Variants in SLC29A4 observed in about 807,000 individuals in gnomAD.
SLC29A4 encodes the protein equilibrative nucleoside transporter 4.
A neutral mutation model predicts 43.9 loss-of-function variants in SLC29A4; 36 were observed. The observed-to-expected ratio is 0.82, with a 90% CI of 0.63 to 1.08. The LOEUF is 1.08. Among genes scored for constraint, SLC29A4 ranks in the 50% least tolerant of loss-of-function variants. The pLI is 0.00. For synonymous variants in SLC29A4, 491 were observed against 338.0 expected (o/e 1.45, Z -4.97); for missense variants, 869 against 755.3 (o/e 1.15, Z -1.77).
At chr7:5,285,760 C>G (rs10807940) in intron 1 of SLC29A4, among the ~76,000 whole-genome samples, 2 of 151,898 alleles carry the variant, frequency 1.3e-5, no homozygotes, top group African/African-American at 4.8e-5. Context: ...GCCTATAATC[C>G]CAGCACTTTG....
In SLC29A4 at chr7:5,300,570, C is replaced by T. The variant is rs1786082455; in HGVS notation, c.1358C>T (p.Ser453Leu). 3.1e-6 allele frequency: 5 copies of T among 1,612,430 alleles called. No individual in the cohort carries two copies. The highest frequency in any genetic ancestry group is 4.5e-5 in the East Asian group (2 of 44,882). The change falls in exon 10 of 11, where the codon TCA becomes TTA. Residue 453 changes from serine (S) to leucine (L), a missense_variant. Coordinates refer to ENST00000396872, the MANE Select transcript of SLC29A4 (RefSeq NM_153247.4). The stretch of plus-strand genomic sequence containing the variant: ...CACCCCGCCTGGCCCTGCATCTTCT[C>T]ACTGCTCATGGGCATCAGCAACGGC... The part of the protein sequence containing the change: ...LRHPAWPCIF[S>L]LLMGISNGYF...
Position 5,291,972 on chromosome 7 carries a change from AC to A in SLC29A4, c.544+153del, listed in dbSNP as rs1209545515. 1.6e-5 allele frequency: 17 copies of A among 1,068,666 alleles called. No individual in the cohort carries two copies. In the East Asian group the frequency reaches 3.9e-4, roughly 25 times the overall value. 66.2% of individuals were successfully genotyped at this position (1,068,666 alleles called of 1,614,324 possible). Reference sequence around the variant, plus strand: ...TGTCCACCTGCATGCCAGCGTGCACACCGGCTCACACCCACAGGAGCCTGTG... The same window carrying A: ...TGTCCACCTGCATGCCAGCGTGCACACGGCTCACACCCACAGGAGCCTGTG... On this transcript the variant is annotated intron_variant, in intron 5 of 10. Transcript: ENST00000396872.
At chr7:5,298,432 G>A (rs924410751) in intron 7 of SLC29A4, among the ~76,000 whole-genome samples, 1 of 152,146 alleles carries the variant, frequency 6.6e-6, no homozygotes, top group African/African-American at 2.4e-5. Context: ...CAGATGCTCT[G>A]GTTGGTTTGG....
intron 1 of SLC29A4, among the ~76,000 whole-genome samples, chr7:5,283,637 G>T (rs1281199829): frequency 6.6e-6 from 1 of 152,196 alleles, no homozygotes; most frequent in African/African-American, 2.4e-5. Flanking sequence ...TGCATGCATC[G>T]GTCCCCGGGG....
chr7:5,284,188 A>T (rs1160282345), intron 1 of SLC29A4, among the ~76,000 whole-genome samples: 1 of 152,224 alleles, frequency 6.6e-6, no homozygotes, highest in African/African-American at 2.4e-5. Flanking sequence ...GTTCAAGGCC[A>T]GCTTGGGCAA....
Position 5,299,325 on chromosome 7 carries a change from C to A in SLC29A4, c.1107C>A (p.Cys369Ter), listed in dbSNP as rs758892099. ...SIAVTYFITL[C>*]LFPGLESEIR... ...CCGTGACCTACTTCATCACGCTGTGCCTGTTCCCCGGCCTCGAGTCTGAGA... is the reference window on the plus strand; with the variant it reads ...CCGTGACCTACTTCATCACGCTGTGACTGTTCCCCGGCCTCGAGTCTGAGA... Residue 369 changes from cysteine to a stop codon, truncating the protein, a stop_gained, in exon 9 of 11, where the codon TGC (cysteine) becomes TGA (stop). Coordinates refer to ENST00000396872, the MANE Select transcript of SLC29A4 (RefSeq NM_153247.4). LOFTEE classifies it high-confidence loss of function. 6.2e-7 allele frequency: 1 copy of A among 1,611,930 alleles called. No individual in the cohort carries two copies. Among genetic ancestry groups the A allele is most frequent in the Non-Finnish European group, 8.5e-7 (1 of 1,179,884 alleles).
chr7:5,303,575 C>T lies in SLC29A4; in HGVS notation c.*636C>T, dbSNP rs1786323518. The T allele has an allele frequency of 6.5e-6, 1 of 153,122 alleles. No individual in the cohort carries two copies. The highest frequency in any genetic ancestry group is 6.5e-5 in the Admixed American group (1 of 15,308). The allele number at this position is 153,122 out of a possible 1,614,324, so 9.5% of individuals were successfully genotyped here. Reference sequence around the variant, plus strand: ...TGCATCAGCCTCTGGGAAACCACAGCAGTGATGCCAGCTGGGCACGTCAGG... The same window carrying T: ...TGCATCAGCCTCTGGGAAACCACAGTAGTGATGCCAGCTGGGCACGTCAGG... On this transcript the variant is annotated 3_prime_UTR_variant, in exon 11 of 11. Coordinates refer to ENST00000396872, the MANE Select transcript of SLC29A4 (RefSeq NM_153247.4).
chr7:5,299,843 G>A (rs1786010442), intron 9 of SLC29A4, among the ~76,000 whole-genome samples: 1 of 152,218 alleles, frequency 6.6e-6, no homozygotes, highest in Non-Finnish European at 1.5e-5. Flanking sequence ...CTTGAGGCCA[G>A]GAGTTCTAGA....
chr7:5,303,195 C>G lies in SLC29A4; in HGVS notation c.*256C>G. On this transcript the variant is annotated 3_prime_UTR_variant, in exon 11 of 11. Transcript: ENST00000396872. ...TCTGCGTTTGGTCTCATACCTGCGT[C>G]TACCTTCCATCTGTGTCCAGCGGCC... is the stretch of plus-strand genomic sequence containing the variant. The G allele has an allele frequency of 5.3e-6, 3 of 567,314 alleles. No individual in the cohort carries two copies. Among genetic ancestry groups the G allele is most frequent in the Non-Finnish European group, 9.4e-6 (3 of 319,128 alleles). 35.1% of individuals were successfully genotyped at this position (567,314 alleles called of 1,614,324 possible). A position where few individuals can be genotyped will look rare whatever the true frequency, so the allele number is the denominator to read the frequency against.
chr7:5,296,745 C>T (rs1044716114), intron 6 of SLC29A4, among the ~76,000 whole-genome samples, 191 bp from the exon 7 acceptor site: 10 of 128,426 alleles, frequency 7.8e-5, no homozygotes, highest in African/African-American at 2.9e-4. Context: ...GCGGGGCCGG[C>T]GGTGATGGGC....
At chr7:5,302,737 A>AGCCGTGGCCACCAGGTGGCC (rs1786256022) in intron 10 of SLC29A4, 60 bp from the exon 11 acceptor site, 3 of 1,504,196 alleles carry the variant, frequency 2.0e-6, no homozygotes, top group African/African-American at 1.4e-5. Flanking sequence ...ACACCCGAGC[A>AGCCGTGGCCACCAGGTGGCC]GCCGTGGCCA....
chr7:5,287,527 C>T (rs557236422), intron 1 of SLC29A4, among the ~76,000 whole-genome samples: 4 of 152,256 alleles, frequency 2.6e-5, no homozygotes, highest in East Asian at 1.9e-4. Context: ...GATACAGTCC[C>T]GGCCGCATGG....
Position 5,300,424 on chromosome 7 carries a change from C to A in SLC29A4, c.1212C>A (p.Ile404=). ...CCCACTTGCCTGGCTCTCTGCAGAT[C>A]CTGGCAGCCCTGCCCGTGGACTGGC... ...VFNLSDFVGK[I]LAALPVDWRG... Residue 404 remains isoleucine, a splice_region_variant and synonymous_variant, in exon 10 of 11, where the codon ATC becomes ATA. Transcript: ENST00000396872. 6.2e-7 allele frequency: 1 copy of A among 1,611,268 alleles called. No individual in the cohort carries two copies. Among genetic ancestry groups the A allele is most frequent in the South Asian group, 1.1e-5 (1 of 90,974 alleles).
Position 5,288,133 on chromosome 7 carries a change from A to C in SLC29A4, c.169+148A>C, listed in dbSNP as rs944818045. 23 of 1,093,018 alleles carry C rather than the reference A, an allele frequency of 2.1e-5. No homozygotes were observed. In the African/African-American group the frequency reaches 2.9e-4, roughly 14 times the overall value. The allele number at this position is 1,093,018 out of a possible 1,614,324, so 67.7% of individuals were successfully genotyped here. A position where few individuals can be genotyped will look rare whatever the true frequency, so the allele number is the denominator to read the frequency against. On this transcript the variant is annotated intron_variant, in intron 2 of 10. Transcript: ENST00000396872. ...TGTCAGTGTGGATTAGATCTGCTGC[A>C]TAACAAACACGCCCACCTTCTCAGT...
intron 5 of SLC29A4, among the ~76,000 whole-genome samples, chr7:5,293,383 G>A (rs1785439770): frequency 6.6e-6 from 1 of 151,350 alleles, no homozygotes; most frequent in African/African-American, 2.4e-5. Context: ...TATTGGCCAG[G>A]CTGCTCTCGA....
intron 6 of SLC29A4, among the ~76,000 whole-genome samples, 166 bp downstream of exon 6, chr7:5,295,100 G>C (rs1302741426): frequency 6.6e-6 from 1 of 152,100 alleles, no homozygotes; most frequent in Admixed American, 6.5e-5. Flanking sequence ...GGCCTGGCTG[G>C]GGGTAGAAAA....
Position 5,303,121 on chromosome 7 carries a change from G to T in SLC29A4, c.*182G>T, listed in dbSNP as rs554010960. 46 of 725,254 alleles carry T rather than the reference G, an allele frequency of 6.3e-5. No homozygotes were observed. In the East Asian group the frequency reaches 1.2e-3, roughly 19 times the overall value. 44.9% of individuals were successfully genotyped at this position (725,254 alleles called of 1,614,324 possible). On this transcript the variant is annotated 3_prime_UTR_variant, in exon 11 of 11. Transcript: ENST00000396872. Reference sequence around the variant, plus strand: ...GGACTGAAGTTCTGCAAAGTCCTCCGAGGACCGGAACACGTTTCTGCGACC... The same window carrying T: ...GGACTGAAGTTCTGCAAAGTCCTCCTAGGACCGGAACACGTTTCTGCGACC...
At chr7:5,286,855 T>G (rs1320413768) in intron 1 of SLC29A4, among the ~76,000 whole-genome samples, 1 of 152,166 alleles carries the variant, frequency 6.6e-6, no homozygotes, top group Non-Finnish European at 1.5e-5. Flanking sequence ...AGCTGAAAAA[T>G]GAGTGATAAA....
intron 1 of SLC29A4, among the ~76,000 whole-genome samples, chr7:5,284,297 G>T (rs1784832551): frequency 6.6e-6 from 1 of 152,096 alleles, no homozygotes; most frequent in Non-Finnish European, 1.5e-5. Flanking sequence ...GTGTTAAGTG[G>T]CAGCTTGTGC....
Sources: allele counts gnomAD v4.1 joint callset (sites outside exome capture counted in the v4.1 genomes callset), GRCh38; gene constraint gnomAD v4.1.1; transcripts MANE v1.5; gene names NCBI Gene and HGNC (gene_info 2026-07-23, HGNC 2026-07-21).